The following ZDHHC15 variants were observed in gnomAD, a reference collection of about 807,000 sequenced individuals.
ZDHHC15 encodes zDHHC palmitoyltransferase 15, also known as palmitoyltransferase ZDHHC15.
In ZDHHC15, 19 loss-of-function variants were observed where a neutral mutation model predicts 31.7. The ratio of observed to expected loss-of-function variants is 0.60; its 90% CI spans 0.42 to 0.88. The LOEUF is 0.88. Among genes scored for constraint, ZDHHC15 ranks in the 40% least tolerant of loss-of-function variants. ZDHHC15 has a pLI of 0.00. For missense variants in ZDHHC15, 209 were observed against 251.2 expected, an observed-to-expected ratio of 0.83 and a Z score of 1.14; for synonymous variants, 103 against 90.0, an observed-to-expected ratio of 1.14 and a Z score of -0.82.
At chrX:75,382,455 G>A (rs940262802) in intron 10 of ZDHHC15, among the ~76,000 whole-genome samples, 6 of 111,882 alleles carry the variant, frequency 5.4e-5, no homozygotes, top group African/African-American at 1.9e-4. Context: ...ACCCAAAGGA[G>A]TACCCTTCTA....
intron 2 of ZDHHC15, chrX:75,502,278 C>T (rs2085099495): frequency 9.0e-6 from 1 of 111,394 alleles, no homozygotes; most frequent in South Asian, 3.7e-4. Context: ...CCTATAAGGA[C>T]ATCAGACTGG....
intron 3 of ZDHHC15, among the ~76,000 whole-genome samples, chrX:75,468,615 A>T (rs1569345864): frequency 8.9e-6 from 1 of 111,763 alleles, no homozygotes; most frequent in Admixed American, 9.5e-5. Flanking sequence ...CATGGTAATT[A>T]TATATTTAAC....
chrX:75,484,738 A>C (rs1199155455), intron 2 of ZDHHC15, among the ~76,000 whole-genome samples: 2 of 112,011 alleles, frequency 1.8e-5, no homozygotes, highest in African/African-American at 6.5e-5. Flanking sequence ...AGAAACAAAA[A>C]CATATATCTC....
intron 10 of ZDHHC15, among the ~76,000 whole-genome samples, chrX:75,405,054 A>G (rs1271350561): frequency 8.9e-6 from 1 of 112,312 alleles, no homozygotes; most frequent in Non-Finnish European, 1.9e-5. Flanking sequence ...GTCATAGAAA[A>G]GAATGAGATC....
intron 3 of ZDHHC15, among the ~76,000 whole-genome samples, chrX:75,454,456 G>A (rs1158096604): frequency 9.0e-6 from 1 of 111,685 alleles, no homozygotes; most frequent in Non-Finnish European, 1.9e-5. Flanking sequence ...CCAAGTAATG[G>A]GATGGCTAGG....
chrX:75,431,305 G>C (rs1436495615), intron 5 of ZDHHC15, 146 bp downstream of exon 5: 6 of 439,742 alleles, frequency 1.4e-5, no homozygotes, highest in African/African-American at 2.5e-5. Context: ...ATCATCATCC[G>C]TGTGAGGGGT....
At chrX:75,452,113 A>G (rs959537622) in intron 3 of ZDHHC15, among the ~76,000 whole-genome samples, 1 of 109,689 alleles carries the variant, frequency 9.1e-6, no homozygotes, top group Non-Finnish European at 1.9e-5. Flanking sequence ...AAGACCCATC[A>G]GAGTGCTGTA....
chrX:75,487,807 TAG>T (rs1349729079), intron 2 of ZDHHC15, among the ~76,000 whole-genome samples: 1 of 111,353 alleles, frequency 9.0e-6, no homozygotes, highest in African/African-American at 3.3e-5. Flanking sequence ...TGAAAAAGTC[TAG>T]AGAGAAATAG....
At chrX:75,516,790 T>C (rs1248897673) in intron 1 of ZDHHC15, among the ~76,000 whole-genome samples, 1 of 111,142 alleles carries the variant, frequency 9.0e-6, no homozygotes, top group Non-Finnish European at 1.9e-5. Context: ...ACCATCAGAG[T>C]GAACAGGCAA....
chrX:75,442,415 G>A (rs2083955514), intron 4 of ZDHHC15, among the ~76,000 whole-genome samples: 1 of 111,679 alleles, frequency 9.0e-6, no homozygotes, highest in Admixed American at 9.5e-5. Context: ...CATTGTTTCA[G>A]CCCAAAATCT....
At chrX:75,439,476 T>G (rs762583472) in intron 4 of ZDHHC15, among the ~76,000 whole-genome samples, 25 of 112,189 alleles carry the variant, frequency 2.2e-4, no homozygotes, top group Middle Eastern at 4.6e-3. Context: ...TTCCAGTTTC[T>G]TTTGCATTTG....
intron 3 of ZDHHC15, among the ~76,000 whole-genome samples, chrX:75,475,314 A>T (rs1464927712): frequency 2.0e-5 from 1 of 50,676 alleles, no homozygotes; most frequent in African/African-American, 4.4e-5. Flanking sequence ...TTATAAAAAT[A>T]TTCCTCTGTG....
chrX:75,494,926 G>A (rs2084965732), intron 2 of ZDHHC15, among the ~76,000 whole-genome samples: 1 of 111,911 alleles, frequency 8.9e-6, no homozygotes, highest in Non-Finnish European at 1.9e-5. Flanking sequence ...AGCCAAAATT[G>A]ACAAATGGGA....
intron 10 of ZDHHC15, among the ~76,000 whole-genome samples, chrX:75,411,501 C>T (rs1021909068): frequency 2.7e-5 from 3 of 112,607 alleles, no homozygotes; most frequent in African/African-American, 9.7e-5. Context: ...CGCGAGCCAC[C>T]GCGCCCAGCC....
rs376489537 is a variant in ZDHHC15, at chrX:75,494,016, T to C, written c.163+11805A>G. ...TTGTCCCTGTTTGCAGATGACAGGA[T>C]TGTATATCTAGAAAACCCTATCATC... is the stretch of plus-strand genomic sequence containing the variant. On this transcript the variant is annotated intron_variant, in intron 2 of 11. Coordinates refer to ENST00000373367, the MANE Select transcript of ZDHHC15 (RefSeq NM_144969.3). 2.1e-4 allele frequency among the ~76,000 whole-genome samples: 23 copies of C among 111,515 alleles called. 1 individual carries two copies. In the East Asian group the frequency reaches 4.0e-3, roughly 19 times the overall value.
intron 1 of ZDHHC15, among the ~76,000 whole-genome samples, chrX:75,516,589 G>C (rs1602776196): frequency 8.9e-6 from 1 of 112,186 alleles, no homozygotes; most frequent in East Asian, 2.8e-4. Flanking sequence ...ATTAATTCAA[G>C]ATGGATTAAA....
rs2082990451 is a variant in ZDHHC15 at position 75,369,866 on chromosome X, A to C, written c.*3112T>G. The stretch of plus-strand genomic sequence containing the variant: ...CCTGGGAAGCCAAGTTACTTTAACA[A>C]TGTACTGAACATGGTAACTGTGAGC... On this transcript the variant is annotated 3_prime_UTR_variant, in exon 12 of 12. Transcript: ENST00000373367. The C allele has an allele frequency of 8.9e-6, 1 of 112,017 alleles. No homozygotes were observed. Among genetic ancestry groups the C allele is most frequent in the Non-Finnish European group, 1.9e-5 (1 of 53,257 alleles). 9.2% of individuals were successfully genotyped at this position (112,017 alleles called of 1,213,427 possible).
intron 1 of ZDHHC15, 31 bp from the exon 2 acceptor site, chrX:75,505,878 C>A: frequency 1.8e-6 from 2 of 1,132,001 alleles, no homozygotes; most frequent in South Asian, 3.7e-5. Context: ...GAGAGACAGA[C>A]AGACAGACAG....
intron 1 of ZDHHC15, among the ~76,000 whole-genome samples, chrX:75,509,354 A>G (rs936491335): frequency 9.0e-6 from 1 of 111,678 alleles, no homozygotes; most frequent in African/African-American, 3.2e-5. Context: ...TTTTTTCACT[A>G]AGTTTTGGAA....
Sources: gnomAD v4.1 joint callset for allele counts (sites outside exome capture counted in the v4.1 genomes callset) on GRCh38, gnomAD v4.1.1 for gene constraint, MANE v1.5 for transcripts, NCBI Gene and HGNC (gene_info 2026-07-23, HGNC 2026-07-21) for gene names.